Variants in NOS1AP observed in about 807,000 individuals in gnomAD.
NOS1AP encodes the protein carboxyl-terminal PDZ ligand of neuronal nitric oxide synthase protein.
A neutral mutation model predicts 56.2 loss-of-function variants in NOS1AP; 21 were observed. The observed-to-expected ratio is 0.37, with a 90% CI of 0.26 to 0.54. NOS1AP has a LOEUF of 0.54. NOS1AP is among the 20% of genes least tolerant of loss of function. The pLI is 0.84. For missense variants in NOS1AP, 522 were observed against 657.8 expected, an observed-to-expected ratio of 0.79 and a Z score of 2.26; for synonymous variants, 270 against 274.6, an observed-to-expected ratio of 0.98 and a Z score of 0.17.
chr1:162,217,787 C>T (rs1652632881), intron 2 of NOS1AP, among the ~76,000 whole-genome samples: 1 of 152,294 alleles, frequency 6.6e-6, no homozygotes, highest in Admixed American at 6.5e-5. Context: ...ACTTGGTCAG[C>T]CTGCCAGTTC....
intron 2 of NOS1AP, among the ~76,000 whole-genome samples, chr1:162,246,354 G>A (rs1004842746): frequency 1.3e-5 from 2 of 152,286 alleles, no homozygotes; most frequent in Admixed American, 6.5e-5. Flanking sequence ...ACAACATGGT[G>A]GATGTGGCCA....
intron 2 of NOS1AP, among the ~76,000 whole-genome samples, chr1:162,244,195 A>G (rs1177660525): frequency 6.6e-6 from 1 of 152,134 alleles, no homozygotes; most frequent in African/African-American, 2.4e-5. Context: ...GGCAGGGTCT[A>G]TTTAGGGAGT....
chr1:162,115,273 A>G (rs751297386), intron 1 of NOS1AP, among the ~76,000 whole-genome samples: 1 of 152,232 alleles, frequency 6.6e-6, no homozygotes. Context: ...GTAAGTGTAT[A>G]AGGGAAAATA....
chr1:162,250,862 T>G (rs1385827720), intron 2 of NOS1AP, among the ~76,000 whole-genome samples: 1 of 152,178 alleles, frequency 6.6e-6, no homozygotes, highest in East Asian at 1.9e-4. Context: ...ACCTTTTTCT[T>G]GAGCTTTTGT....
chr1:162,265,673 T>C (rs1183117944), intron 2 of NOS1AP, among the ~76,000 whole-genome samples: 1 of 152,192 alleles, frequency 6.6e-6, no homozygotes, highest in Non-Finnish European at 1.5e-5. Flanking sequence ...TAAGTAACAT[T>C]GATCCCATTT....
intron 2 of NOS1AP, among the ~76,000 whole-genome samples, chr1:162,230,822 A>G (rs1653099254): frequency 6.6e-6 from 1 of 152,116 alleles, no homozygotes; most frequent in African/African-American, 2.4e-5. Flanking sequence ...CAGGTGTCGA[A>G]TTTCCTCCTT....
At chr1:162,135,720 G>A (rs1228645816) in intron 1 of NOS1AP, among the ~76,000 whole-genome samples, 6 of 152,170 alleles carry the variant, frequency 3.9e-5, no homozygotes, top group African/African-American at 9.7e-5. Flanking sequence ...TGAATTTCAA[G>A]ACCAAAAGTG....
chr1:162,352,698 G>A (rs767826995), intron 6 of NOS1AP, among the ~76,000 whole-genome samples: 18 of 152,028 alleles, frequency 1.2e-4, no homozygotes, highest in Non-Finnish European at 2.5e-4. Flanking sequence ...GGAAAGAGAG[G>A]GATCTCCTAC....
chr1:162,163,768 A>T (rs1331437218), intron 2 of NOS1AP, among the ~76,000 whole-genome samples: 1 of 152,158 alleles, frequency 6.6e-6, no homozygotes, highest in African/African-American at 2.4e-5. Context: ...GGAGTGGTAG[A>T]TTATTTCTAG....
At chr1:162,226,289 A>G (rs1334237959) in intron 2 of NOS1AP, among the ~76,000 whole-genome samples, 1 of 152,122 alleles carries the variant, frequency 6.6e-6, no homozygotes, top group African/African-American at 2.4e-5. Flanking sequence ...AAAGAAAAGA[A>G]AAGAAAAGAA....
intron 2 of NOS1AP, among the ~76,000 whole-genome samples, chr1:162,274,012 G>A (rs1654665394): frequency 6.6e-6 from 1 of 151,142 alleles, no homozygotes; most frequent in Non-Finnish European, 1.5e-5. Context: ...AATTATAATA[G>A]AGCTGTTAAA....
intron 6 of NOS1AP, among the ~76,000 whole-genome samples, chr1:162,345,143 G>T (rs886348128): frequency 7.9e-4 from 103 of 130,200 alleles, no homozygotes; most frequent in African/African-American, 2.7e-3. Context: ...TGACAATACA[G>T]ATTTCTTTTC....
chr1:162,340,762 G>A (rs1203346069), intron 5 of NOS1AP, among the ~76,000 whole-genome samples: 2 of 152,160 alleles, frequency 1.3e-5, no homozygotes, highest in East Asian at 1.9e-4. Context: ...TACTTTTTCA[G>A]GGGAATCAGG....
rs570588388 is a variant in NOS1AP, at chr1:162,173,640, A to C, written c.177+19164A>C. On this transcript the variant is annotated intron_variant, in intron 2 of 9. Transcript: ENST00000361897. ...ATCAGAGTGAACAGGCAACCTACAG[A>C]ATGGGAGAAAATTTTTGCAACCTAC... Among the ~76,000 whole-genome samples the C allele has an allele frequency of 5.3e-3, 806 of 152,318 alleles. 4 individuals carry two copies. Among genetic ancestry groups the C allele is most frequent in the African/African-American group, 0.018 (768 of 41,558 alleles).
intron 1 of NOS1AP, among the ~76,000 whole-genome samples, chr1:162,138,491 A>G (rs1306254732): frequency 1.3e-5 from 2 of 152,184 alleles, no homozygotes; most frequent in African/African-American, 4.8e-5. Context: ...ATTTAATTTT[A>G]TTCATTTGGT....
intron 2 of NOS1AP, among the ~76,000 whole-genome samples, chr1:162,173,483 C>T (rs1264645856): frequency 6.6e-6 from 1 of 152,142 alleles, no homozygotes; most frequent in Non-Finnish European, 1.5e-5. Context: ...AAAACCTAGG[C>T]AATACCATTC....
rs1471126653 is a variant in NOS1AP at position 162,206,568 on chromosome 1, CT to C, written c.177+52093del. Among the ~76,000 whole-genome samples the C allele has an allele frequency of 3.3e-5, 5 of 152,182 alleles. No homozygotes were observed. The East Asian group carries it at 9.6e-4, about 29-fold the overall frequency. Reference sequence around the variant, plus strand: ...TTGTGCTGAAATAGTTTGTCAACCTCTGAAGTTAGGTAAGCCTTGTTATCAT... The same window carrying C: ...TTGTGCTGAAATAGTTTGTCAACCTCGAAGTTAGGTAAGCCTTGTTATCAT... On this transcript the variant is annotated intron_variant, in intron 2 of 9. Transcript: ENST00000361897.
intron 6 of NOS1AP, among the ~76,000 whole-genome samples, chr1:162,350,099 C>T (rs1657441201): frequency 6.6e-6 from 1 of 152,328 alleles, no homozygotes; most frequent in Middle Eastern, 3.4e-3. Context: ...CAGAGTTGAA[C>T]TGTTGGCTGT....
At chr1:162,333,897 T>C (rs533901359) in intron 5 of NOS1AP, among the ~76,000 whole-genome samples, 1 of 152,344 alleles carries the variant, frequency 6.6e-6, no homozygotes, top group African/African-American at 2.4e-5. Flanking sequence ...AATTTCACAA[T>C]GGAATCATAT....
Sources: gnomAD v4.1 joint callset for allele counts (sites outside exome capture counted in the v4.1 genomes callset) on GRCh38, gnomAD v4.1.1 for gene constraint, MANE v1.5 for transcripts, NCBI Gene and HGNC (gene_info 2026-07-23, HGNC 2026-07-21) for gene names.